CNTNAP2: variants seen among roughly 807,000 people sequenced by gnomAD.
CNTNAP2 encodes the protein contactin associated protein 2.
CNTNAP2 carries 98 observed loss-of-function variants against 155.2 expected under a neutral mutation model. The observed-to-expected ratio is 0.63, with a 90% confidence interval of 0.54 to 0.75. The LOEUF (loss-of-function observed/expected upper bound fraction) is 0.75. Ranked by LOEUF, CNTNAP2 falls within the 30% of genes least tolerant of loss-of-function variation. The pLI is 0.00. For synonymous variants in CNTNAP2, 651 were observed against 631.2 expected (o/e 1.03, Z -0.47); for missense variants, 1,727 against 1,688.1 (o/e 1.02, Z -0.40).
chr7:148,415,342 G>A, intron 23 of CNTNAP2, 75 bp from the exon 24 acceptor site: 1 of 1,468,804 alleles, frequency 6.8e-7, no homozygotes, highest in Non-Finnish European at 9.4e-7. Flanking sequence ...TGACGGAGCT[G>A]TAGTGAAGTG....
intron 20 of CNTNAP2, among the ~76,000 whole-genome samples, chr7:148,233,616 T>C (rs1017149019): frequency 2.0e-5 from 3 of 152,242 alleles, no homozygotes; most frequent in Non-Finnish European, 4.4e-5. Context: ...ACTCCACTTA[T>C]ACAACATCAC....
intron 1 of CNTNAP2, among the ~76,000 whole-genome samples, chr7:146,672,298 A>G (rs1442688200): frequency 6.6e-6 from 1 of 152,160 alleles, no homozygotes; most frequent in Non-Finnish European, 1.5e-5. Flanking sequence ...ACACATCTCA[A>G]AATCAGTTCT....
intron 21 of CNTNAP2, among the ~76,000 whole-genome samples, chr7:148,337,087 C>T (rs1798129406): frequency 6.6e-6 from 1 of 152,190 alleles, no homozygotes. Flanking sequence ...TATCGATTGG[C>T]CACAATGCCC....
intron 18 of CNTNAP2, chr7:148,190,293 C>T (rs1174559824): frequency 6.6e-6 from 1 of 152,184 alleles, no homozygotes; most frequent in Non-Finnish European, 1.5e-5. Flanking sequence ...CATGAAAAAG[C>T]TTTGAGATGA....
intron 8 of CNTNAP2, among the ~76,000 whole-genome samples, chr7:147,151,139 A>G (rs977250070): frequency 1.3e-5 from 2 of 152,240 alleles, no homozygotes; most frequent in Non-Finnish European, 2.9e-5. Context: ...CTGTGATGAT[A>G]GCCATGGATA....
chr7:148,091,931 G>C (rs1284383154), intron 15 of CNTNAP2, among the ~76,000 whole-genome samples: 1 of 152,086 alleles, frequency 6.6e-6, no homozygotes, highest in African/African-American at 2.4e-5. Flanking sequence ...AACTTCCCTC[G>C]GGTTCCAGAG....
In CNTNAP2 at chr7:147,300,274, G is replaced by C; in HGVS notation, c.1482G>C (p.Glu494Asp). 6.2e-7 allele frequency: 1 copy of C among 1,613,838 alleles called. No individual in the cohort carries two copies. The highest frequency in any genetic ancestry group is 8.5e-7 in the Non-Finnish European group (1 of 1,179,856). ...GTCCCCTTCAAGTTAAAACTGGCGA[G>C]AAGTACTTTTTTGGAGGTAAGAATG... ...TNSPLQVKTGEKYFFGGFLNQ... is the reference protein window; with the variant it reads ...TNSPLQVKTGDKYFFGGFLNQ... Residue 494 changes from glutamate to aspartate, a missense_variant, in exon 9 of 24, where the codon GAG becomes GAC. Coordinates refer to ENST00000361727, the MANE Select transcript of CNTNAP2 (RefSeq NM_014141.6).
At position 147,162,323 on chromosome 7, in the gene CNTNAP2, C is replaced by T. The variant is rs567287176; in HGVS notation, c.1348+29814C>T. ...TAGTAAAAGAAAAATAGCAATTTGTCTTTTAACTATTATTATGAATAATGT... is the reference window on the plus strand; with the variant it reads ...TAGTAAAAGAAAAATAGCAATTTGTTTTTTAACTATTATTATGAATAATGT... On this transcript the variant is annotated intron_variant, in intron 8 of 23. Coordinates refer to ENST00000361727, the MANE Select transcript of CNTNAP2 (RefSeq NM_014141.6). Among the ~76,000 whole-genome samples the T allele has an allele frequency of 3.9e-5, 6 of 152,206 alleles. No individual in the cohort carries two copies. The East Asian group carries it at 7.7e-4, about 20-fold the overall frequency.
intron 8 of CNTNAP2, among the ~76,000 whole-genome samples, chr7:147,279,933 A>C (rs1804992289): frequency 6.6e-6 from 1 of 151,888 alleles, no homozygotes; most frequent in Non-Finnish European, 1.5e-5. Context: ...TGGACGGCCT[A>C]AATAAAAGCA....
chr7:146,543,913 C>T (rs1490592666), intron 1 of CNTNAP2, among the ~76,000 whole-genome samples: 1 of 151,814 alleles, frequency 6.6e-6, no homozygotes, highest in African/African-American at 2.4e-5. Context: ...CTTGGGAATT[C>T]ATAGTCTAAT....
intron 9 of CNTNAP2, among the ~76,000 whole-genome samples, chr7:147,316,040 A>G (rs190123809): frequency 1.2e-4 from 19 of 152,100 alleles, no homozygotes; most frequent in African/African-American, 2.4e-5. Context: ...CCTTTTGGCT[A>G]TTATATATAA....
chr7:146,426,455 ATG>A lies in CNTNAP2; in HGVS notation c.97+309490_97+309491del, dbSNP rs564002457. 2.5e-3 allele frequency among the ~76,000 whole-genome samples: 371 copies of A among 150,494 alleles called. 1 individual carries two copies. Among genetic ancestry groups the A allele is most frequent in the Middle Eastern group, 6.8e-3 (2 of 292 alleles). On this transcript the variant is annotated intron_variant, in intron 1 of 23. Transcript: ENST00000361727. ...CACATTTATACACACATATACATAAATGTGTGTGTATATATATAAACACACAC... is the reference window on the plus strand; with the variant it reads ...CACATTTATACACACATATACATAAATGTGTGTATATATATAAACACACAC...
intron 13 of CNTNAP2, among the ~76,000 whole-genome samples, chr7:147,798,270 A>G (rs78130647): frequency 0.033 from 5,015 of 152,280 alleles, 143 homozygotes; most frequent in Non-Finnish European, 0.052. Context: ...GATACCACCC[A>G]ACCGAGAAAT....
In CNTNAP2 at chr7:148,349,400, AAT is replaced by A. The variant is rs1379712129; in HGVS notation, c.3476-34248_3476-34247del. Among the ~76,000 whole-genome samples, 6 of 1,348 alleles carry A rather than the reference AAT, an allele frequency of 4.5e-3. 3 individuals carry two copies. In the East Asian group the frequency reaches 0.091, roughly 20 times the overall value. 0.9% of individuals were successfully genotyped at this position (1,348 alleles called of 152,430 possible). A position where few individuals can be genotyped will look rare whatever the true frequency, so the allele number is the denominator to read the frequency against. ...AATGAGCTTTAAAAATTGCAAAAAAAATCTCTCTTTTTTTTTTTTGAGACAGA... is the reference window on the plus strand; with the variant it reads ...AATGAGCTTTAAAAATTGCAAAAAAACTCTCTTTTTTTTTTTTGAGACAGA... On this transcript the variant is annotated intron_variant, in intron 21 of 23. Coordinates refer to ENST00000361727, the MANE Select transcript of CNTNAP2 (RefSeq NM_014141.6).
intron 15 of CNTNAP2, among the ~76,000 whole-genome samples, chr7:147,983,443 A>C (rs2116872866): frequency 7.4e-6 from 1 of 135,130 alleles, no homozygotes; most frequent in African/African-American, 2.7e-5. Context: ...CAAAAAAAAA[A>C]TAAAAATAAA....
chr7:147,259,497 A>C (rs1804408621), intron 8 of CNTNAP2, among the ~76,000 whole-genome samples: 1 of 152,230 alleles, frequency 6.6e-6, no homozygotes, highest in African/African-American at 2.4e-5. Flanking sequence ...CTAAAAGAAA[A>C]ATATTAAATA....
chr7:146,200,547 T>TAC (rs1252826801), intron 1 of CNTNAP2, among the ~76,000 whole-genome samples: 1 of 151,236 alleles, frequency 6.6e-6, no homozygotes, highest in African/African-American at 2.4e-5. Context: ...CACACATATA[T>TAC]ATACTGTGTT....
At chr7:147,967,958 A>G (rs1801252445) in intron 14 of CNTNAP2, among the ~76,000 whole-genome samples, 1 of 152,220 alleles carries the variant, frequency 6.6e-6, no homozygotes, top group Non-Finnish European at 1.5e-5. Context: ...AATACAAGAA[A>G]GGCTTGTTGT....
rs28709728 is a variant in CNTNAP2, at chr7:146,876,340, G to A, written c.402+36436G>A. ...CTTTTTCCTTCTGTGAATCAGGTCG[G>A]ATTTCATATACCATTTTGTGTTATT... On this transcript the variant is annotated intron_variant, in intron 3 of 23. Coordinates refer to ENST00000361727, the MANE Select transcript of CNTNAP2 (RefSeq NM_014141.6). Among the ~76,000 whole-genome samples, 1,225 of 152,078 alleles carry A rather than the reference G, an allele frequency of 8.1e-3. 12 individuals carry two copies. Among genetic ancestry groups the A allele is most frequent in the African/African-American group, 0.027 (1,132 of 41,488 alleles).
Sources: gnomAD v4.1 joint callset for allele counts (sites outside exome capture counted in the v4.1 genomes callset) on GRCh38, gnomAD v4.1.1 for gene constraint, MANE v1.5 for transcripts, NCBI Gene and HGNC (gene_info 2026-07-23, HGNC 2026-07-21) for gene names.